Variants in EFR3B observed in about 807,000 individuals in gnomAD.
EFR3B encodes the protein protein EFR3 homolog B.
A neutral mutation model predicts 104.7 loss-of-function variants in EFR3B; 64 were observed. The ratio of observed to expected loss-of-function variants is 0.61; its 90% CI spans 0.50 to 0.75. The LOEUF (loss-of-function observed/expected upper bound fraction) is 0.75, where lower values mean the gene tolerates loss of function less well. Among genes scored for constraint, EFR3B ranks in the 30% least tolerant of loss-of-function variants. EFR3B has a pLI of 0.00. For missense variants in EFR3B, 750 were observed against 1,078.5 expected, an observed-to-expected ratio of 0.70 and a Z score of 4.27; for synonymous variants, 385 against 417.9, an observed-to-expected ratio of 0.92 and a Z score of 0.96.
intron 4 of EFR3B, among the ~76,000 whole-genome samples, chr2:25,119,918 G>A (rs758695484): frequency 2.6e-5 from 4 of 152,082 alleles, no homozygotes; most frequent in Non-Finnish European, 5.9e-5. Flanking sequence ...ATACTTTTGG[G>A]AAGAATACTA....
In EFR3B at chr2:25,048,200, G is replaced by A. The variant is rs188434354; in HGVS notation, c.7+5881G>A. On this transcript the variant is annotated intron_variant, in intron 1 of 22. Transcript: ENST00000403714. ...CCAGCTAATTTTCTGTGTTTTGTAG[G>A]ATGGGGTCCCGCTATATTGCCTAGG... Among the ~76,000 whole-genome samples, 12 of 152,076 alleles carry A rather than the reference G, an allele frequency of 7.9e-5. No homozygotes were observed. In the East Asian group the frequency reaches 2.3e-3, roughly 30 times the overall value.
At chr2:25,061,455 G>A (rs926823033) in intron 1 of EFR3B, among the ~76,000 whole-genome samples, 5 of 151,772 alleles carry the variant, frequency 3.3e-5, no homozygotes, top group South Asian at 2.1e-4. Flanking sequence ...CACGGGCAAC[G>A]TAGATGGCCT....
intron 16 of EFR3B, 88 bp from the exon 17 acceptor site, chr2:25,141,278 A>G (rs1344324049): frequency 7.2e-7 from 1 of 1,397,142 alleles, no homozygotes; most frequent in Non-Finnish European, 9.7e-7. Flanking sequence ...GGGAGGAAGC[A>G]CCGAGCCGGG....
In EFR3B at chr2:25,154,372, G is replaced by C. The variant is rs748421737; in HGVS notation, c.*32G>C. The C allele has an allele frequency of 4.5e-6, 7 of 1,540,492 alleles. No homozygotes were observed. The East Asian group carries it at 1.7e-4, about 38-fold the overall frequency. ...AGAGCCTGAGCTCCTCAAGGAGATG[G>C]GGTCTGAGGAGGGGCTCACCTCACG... is the stretch of plus-strand genomic sequence containing the variant. On this transcript the variant is annotated 3_prime_UTR_variant, in exon 23 of 23. Transcript: ENST00000403714. This position sits in a 1 kb window ranked among gnomAD's most constrained non-coding sequence, Gnocchi z 4.1.
At chr2:25,116,632 T>A (rs1218194991) in intron 4 of EFR3B, among the ~76,000 whole-genome samples, 13 of 144,150 alleles carry the variant, frequency 9.0e-5, no homozygotes, top group East Asian at 6.0e-4. Flanking sequence ...AAAAAAAAAA[T>A]TTTTTTTTTT....
At chr2:25,129,732 C>T (rs187751282) in intron 6 of EFR3B, among the ~76,000 whole-genome samples, 10 of 152,282 alleles carry the variant, frequency 6.6e-5, no homozygotes, top group African/African-American at 2.2e-4. Context: ...ATCTGGAAAT[C>T]TTTAAGGATT....
chr2:25,121,855 G>A, intron 5 of EFR3B, 61 bp downstream of exon 5: 1 of 1,547,542 alleles, frequency 6.5e-7, no homozygotes. Flanking sequence ...GGTGGGTCCT[G>A]TAGATAACTT....
intron 1 of EFR3B, chr2:25,081,223 C>A (rs1178408697): frequency 1.1e-6 from 1 of 951,262 alleles, no homozygotes; most frequent in Non-Finnish European, 1.7e-6. Flanking sequence ...TTTGCTTCTT[C>A]TGGAGAGAAA....
At chr2:25,063,730 T>C (rs1668258860) in intron 1 of EFR3B, among the ~76,000 whole-genome samples, 1 of 152,232 alleles carries the variant, frequency 6.6e-6, no homozygotes, top group Non-Finnish European at 1.5e-5. Context: ...GAGCTTGTAA[T>C]ACATGTTTTA....
At chr2:25,138,810 G>A (rs1026147626) in intron 15 of EFR3B, among the ~76,000 whole-genome samples, 4 of 152,198 alleles carry the variant, frequency 2.6e-5, no homozygotes, top group African/African-American at 9.7e-5. Flanking sequence ...GGGAGTTGAG[G>A]TCATTGCCTC....
At chr2:25,052,297 C>G (rs1239146281) in intron 1 of EFR3B, among the ~76,000 whole-genome samples, 5 of 151,898 alleles carry the variant, frequency 3.3e-5, no homozygotes, top group Non-Finnish European at 7.4e-5. Context: ...TCTACTGCAT[C>G]TTTAGGGCAC....
At chr2:25,152,055 G>A (rs1671026103) in intron 21 of EFR3B, 35 bp downstream of exon 21, 4 of 1,545,480 alleles carry the variant, frequency 2.6e-6, no homozygotes, top group South Asian at 1.2e-5. Flanking sequence ...GTCCCTGGGA[G>A]CCAAGTCAAG....
chr2:25,080,373 C>T (rs186625957), intron 1 of EFR3B: 2 of 538,412 alleles, frequency 3.7e-6, no homozygotes, highest in South Asian at 2.3e-5. Context: ...CGGCTCACTG[C>T]AACCTCCGCC....
At chr2:25,079,828 A>G (rs1196119810) in intron 1 of EFR3B, 7 of 809,074 alleles carry the variant, frequency 8.7e-6, no homozygotes, top group Admixed American at 1.7e-5. Context: ...CAAAAAGAAC[A>G]ATAACACAGA....
intron 1 of EFR3B, among the ~76,000 whole-genome samples, chr2:25,051,266 C>A (rs1667860717): frequency 6.6e-6 from 1 of 152,076 alleles, no homozygotes; most frequent in African/African-American, 2.4e-5. Context: ...CGTGAGCCAC[C>A]ATGTCTGGCT....
chr2:25,096,307 C>T lies in EFR3B; in HGVS notation c.212+3177C>T, dbSNP rs1669275191. 2.6e-5 allele frequency among the ~76,000 whole-genome samples: 4 copies of T among 152,318 alleles called. No individual in the cohort carries two copies. The South Asian group carries it at 8.3e-4, about 32-fold the overall frequency. On this transcript the variant is annotated intron_variant, in intron 3 of 22. Transcript: ENST00000403714. The stretch of plus-strand genomic sequence containing the variant: ...GGGATTACAGGCGGGAGCCACCGCG[C>T]CTGGCCTCCATGGAATCTTTCATAG...
At chr2:25,066,992 C>A (rs1484377741) in intron 1 of EFR3B, among the ~76,000 whole-genome samples, 1 of 152,120 alleles carries the variant, frequency 6.6e-6, no homozygotes, top group African/African-American at 2.4e-5. Context: ...ATGGGAGAAA[C>A]AATAAAAATT....
chr2:25,080,889 A>G lies in EFR3B; in HGVS notation c.8-10436A>G. The G allele has an allele frequency of 1.1e-5, 9 of 794,832 alleles. No individual in the cohort carries two copies. In the South Asian group the frequency reaches 1.2e-4, roughly 11 times the overall value. 49.2% of individuals were successfully genotyped at this position (794,832 alleles called of 1,614,324 possible). ...CAGAAAAAGGCTGTAAAGCTTGACC[A>G]TGTTTTCTGCTGCGGAATCCACAAT... is the stretch of plus-strand genomic sequence containing the variant. On this transcript the variant is annotated intron_variant, in intron 1 of 22. Coordinates refer to ENST00000403714, the MANE Select transcript of EFR3B (RefSeq NM_014971.2).
In EFR3B at chr2:25,130,672, G is replaced by A; in HGVS notation, c.849+42G>A. ...GGGCCAGCCGGATCCCAGGACAAAG[G>A]CCTCTCTAGAAGCTAGACGGGTGCT... On this transcript the variant is annotated intron_variant, in intron 8 of 22. Transcript: ENST00000403714. This position sits in a 1 kb window ranked among gnomAD's most constrained non-coding sequence, Gnocchi z 4.6. The A allele has an allele frequency of 6.6e-7, 1 of 1,509,306 alleles. No individual in the cohort carries two copies. The highest frequency in any genetic ancestry group is 9.0e-7 in the Non-Finnish European group (1 of 1,108,616). 93.5% of individuals were successfully genotyped at this position (1,509,306 alleles called of 1,614,324 possible).
Sources: allele counts gnomAD v4.1 joint callset (sites outside exome capture counted in the v4.1 genomes callset), GRCh38; gene constraint gnomAD v4.1.1; non-coding constraint Gnocchi (gnomAD v3.1); transcripts MANE v1.5; gene names NCBI Gene and HGNC (gene_info 2026-07-23, HGNC 2026-07-21).